OR2L13: variants seen among roughly 807,000 people sequenced by gnomAD.
OR2L13 encodes the protein olfactory receptor family 2 subfamily L member 13.
OR2L13 carries 14 observed loss-of-function variants against 15.3 expected under a neutral mutation model. That is an observed-to-expected ratio of 0.91 (90% CI 0.60 to 1.43). OR2L13 has a LOEUF of 1.43. Among genes scored for constraint, OR2L13 ranks in the 40% most tolerant of loss-of-function variants. The probability of loss-of-function intolerance (pLI) is 0.00; values close to 1 mark genes in which losing one functional copy is unlikely to be tolerated. For missense variants in OR2L13, 367 were observed against 387.9 expected, an observed-to-expected ratio of 0.95 and a Z score of 0.45; for synonymous variants, 152 against 142.9, an observed-to-expected ratio of 1.06 and a Z score of -0.45.
At chr1:248,070,896 G>T in the OR2L13 span, among the ~76,000 whole-genome samples, 1 of 152,102 alleles carries the variant, frequency 6.6e-6, no homozygotes, top group Admixed American at 6.6e-5. Flanking sequence ...TAAATTCCTC[G>T]ACACATACAC....
the OR2L13 span, among the ~76,000 whole-genome samples, chr1:248,053,668 T>C: frequency 1.3e-5 from 2 of 152,368 alleles, no homozygotes; most frequent in South Asian, 4.1e-4. Flanking sequence ...CAGCAGATGG[T>C]ATCTAATTAT....
chr1:248,068,627 G>C, the OR2L13 span, among the ~76,000 whole-genome samples: 1 of 152,212 alleles, frequency 6.6e-6, no homozygotes, highest in East Asian at 1.9e-4. Context: ...AAGCTGGACG[G>C]AGACTGACTT....
chr1:248,051,969 G>A, the OR2L13 span, among the ~76,000 whole-genome samples: 1 of 152,094 alleles, frequency 6.6e-6, no homozygotes, highest in African/African-American at 2.4e-5. Flanking sequence ...GACATATGAT[G>A]CTTTGACTTG....
At chr1:248,051,383 G>T in the OR2L13 span, 1 of 152,086 alleles carries the variant, frequency 6.6e-6, no homozygotes, top group Non-Finnish European at 1.5e-5. Flanking sequence ...TATTTATATT[G>T]ATTTCTTTGT....
the OR2L13 span, among the ~76,000 whole-genome samples, chr1:247,988,400 G>A: frequency 1.3e-5 from 2 of 150,470 alleles, no homozygotes; most frequent in Non-Finnish European, 2.9e-5. Flanking sequence ...CTTTTACATA[G>A]ATAATGATAT....
At chr1:247,979,652 G>A in the OR2L13 span, among the ~76,000 whole-genome samples, 5 of 151,874 alleles carry the variant, frequency 3.3e-5, no homozygotes, top group South Asian at 2.1e-4. Flanking sequence ...CTTGACCTCC[G>A]TGGGCTGCAC....
At chr1:248,074,875 T>C in the OR2L13 span, among the ~76,000 whole-genome samples, 1 of 152,106 alleles carries the variant, frequency 6.6e-6, no homozygotes, top group Non-Finnish European at 1.5e-5. Context: ...ACGAAAATCT[T>C]CTTTTTTTAT....
the OR2L13 span, among the ~76,000 whole-genome samples, chr1:248,070,404 A>G: frequency 6.6e-6 from 1 of 152,200 alleles, no homozygotes; most frequent in Admixed American, 6.5e-5. Context: ...GAAGGCAGAA[A>G]TAAAGATGTT....
At chr1:247,979,715 C>A in the OR2L13 span, among the ~76,000 whole-genome samples, 2 of 152,134 alleles carry the variant, frequency 1.3e-5, no homozygotes, top group Admixed American at 1.3e-4. Context: ...GTTGGAAATC[C>A]AGAAATCACT....
chr1:247,952,153 A>G, the OR2L13 span, among the ~76,000 whole-genome samples: 1 of 152,170 alleles, frequency 6.6e-6, no homozygotes, highest in Non-Finnish European at 1.5e-5. Flanking sequence ...ATTATTAGAT[A>G]TTTCAATGAC....
chr1:247,990,803 AT>A, the OR2L13 span: 1 of 1,602,956 alleles, frequency 6.2e-7, no homozygotes, highest in Non-Finnish European at 8.5e-7. Flanking sequence ...TTTTTCTGTG[AT>A]GTTCCAGCTA....
exon 3 of OR2L13, chr1:248,100,122 T>C: frequency 1.2e-6 from 2 of 1,614,172 alleles, no homozygotes. Context: ...TAGTGATCTT[T>C]TACTATGCAC....
the OR2L13 span, among the ~76,000 whole-genome samples, chr1:247,968,486 C>G: frequency 6.6e-6 from 1 of 150,578 alleles, no homozygotes; most frequent in Non-Finnish European, 1.5e-5. Flanking sequence ...TAGTGCTATC[C>G]TTCCCCCAGC....
chr1:248,089,331 TC>T, the OR2L13 span, among the ~76,000 whole-genome samples: 1 of 152,212 alleles, frequency 6.6e-6, no homozygotes, highest in African/African-American at 2.4e-5. Context: ...ACTCAGAAGC[TC>T]CCTGAACCCT....
chr1:248,039,509 C>G, the OR2L13 span: 2 of 195,946 alleles, frequency 1.0e-5, no homozygotes, highest in Admixed American at 1.1e-4. Context: ...TAACCTCTGC[C>G]TCCTGGGTTC....
chr1:247,949,249 A>C, the OR2L13 span: 2 of 1,614,062 alleles, frequency 1.2e-6, no homozygotes, highest in African/African-American at 1.3e-5. Context: ...CCTCTCCACT[A>C]TCTCATCCGC....
upstream of OR2L13, among the ~76,000 whole-genome samples, chr1:248,090,710 A>G (rs1436056122): frequency 6.6e-6 from 1 of 152,096 alleles, no homozygotes; most frequent in East Asian, 1.9e-4. Context: ...GGTTGATTCC[A>G]TGTCTTCGCT....
exon 3 of OR2L13, chr1:248,100,078 A>G (rs1307110948): frequency 1.2e-6 from 2 of 1,614,022 alleles, no homozygotes; most frequent in Non-Finnish European, 1.7e-6. Context: ...GGGGAGAAAA[A>G]AGGCCTTCAC....
At chr1:248,031,723 C>T in the OR2L13 span, among the ~76,000 whole-genome samples, 1 of 152,122 alleles carries the variant, frequency 6.6e-6, no homozygotes, top group Non-Finnish European at 1.5e-5. Flanking sequence ...GTCAAATAAG[C>T]TTGCCTTGTA....
Sources: allele counts gnomAD v4.1 joint callset (sites outside exome capture counted in the v4.1 genomes callset), GRCh38; gene constraint gnomAD v4.1.1; transcripts MANE v1.5; gene names NCBI Gene and HGNC (gene_info 2026-07-23, HGNC 2026-07-21).